Variants in COL4A3 observed in about 807,000 individuals in gnomAD.
COL4A3 encodes collagen type IV alpha 3 chain.
A neutral mutation model predicts 217.4 loss-of-function variants in COL4A3; 135 were observed. The observed-to-expected ratio is 0.62, with a 90% confidence interval of 0.54 to 0.72. COL4A3 has a LOEUF of 0.72. COL4A3 is among the 30% of genes least tolerant of loss of function. The pLI, the probability that COL4A3 is intolerant of heterozygous loss-of-function variation, is 0.00. For missense variants in COL4A3, 1,868 were observed against 2,119.9 expected (o/e 0.88, Z 2.33); for synonymous variants, 690 against 736.3 (o/e 0.94, Z 1.02).
At chr2:227,293,672 A>G in intron 38 of COL4A3, 3 of 482,994 alleles carry the variant, frequency 6.2e-6, no homozygotes, top group Non-Finnish European at 1.3e-5. Context: ...GGCTTAAACT[A>G]CACTTGATGT....
At chr2:227,201,784 A>G (rs2066696582) in intron 1 of COL4A3, among the ~76,000 whole-genome samples, 1 of 152,172 alleles carries the variant, frequency 6.6e-6, no homozygotes, top group African/African-American at 2.4e-5. Flanking sequence ...CTCCTATTGA[A>G]ATTAATTACT....
intron 9 of COL4A3, among the ~76,000 whole-genome samples, chr2:227,249,502 C>T (rs1488128447): frequency 2.6e-5 from 4 of 151,674 alleles, no homozygotes; most frequent in Non-Finnish European, 4.4e-5. Context: ...TCCCAAAGTG[C>T]TGGGATTACA....
At chr2:227,305,830 A>C in intron 47 of COL4A3, among the ~76,000 whole-genome samples, 1 of 152,174 alleles carries the variant, frequency 6.6e-6, no homozygotes, top group Non-Finnish European at 1.5e-5. Flanking sequence ...CTCTTCTGGA[A>C]ACTACCTCGA....
Position 227,286,542 on chromosome 2 carries a change from A to AT in COL4A3, c.2881+2198dup, listed in dbSNP as rs1299116978. Among the ~76,000 whole-genome samples, 19 of 152,326 alleles carry AT rather than the reference A, an allele frequency of 1.2e-4. No homozygotes were observed. In the South Asian group the frequency reaches 3.7e-3, roughly 30 times the overall value. The stretch of plus-strand genomic sequence containing the variant: ...CCTAGGAGTAGGTACTACTATTGCA[A>AT]TCATCCCATTTTACATACGGGGAAA... On this transcript the variant is annotated intron_variant, in intron 34 of 51. Coordinates refer to ENST00000396578, the MANE Select transcript of COL4A3 (RefSeq NM_000091.5).
intron 1 of COL4A3, among the ~76,000 whole-genome samples, chr2:227,203,962 C>T (rs2066997033): frequency 6.6e-6 from 1 of 151,940 alleles, no homozygotes; most frequent in Non-Finnish European, 1.5e-5. Context: ...CAGACCAGTA[C>T]CAGGGCTTAA....
chr2:227,281,990 G>A (rs941551588), intron 31 of COL4A3, among the ~76,000 whole-genome samples: 2 of 152,164 alleles, frequency 1.3e-5, no homozygotes, highest in Non-Finnish European at 2.9e-5. Flanking sequence ...TTTCTAAAGT[G>A]GCCGGGTGCA....
intron 1 of COL4A3, among the ~76,000 whole-genome samples, chr2:227,207,731 G>A (rs371340372): frequency 2.6e-4 from 40 of 152,342 alleles, no homozygotes; most frequent in African/African-American, 7.9e-4. Flanking sequence ...CTCTCCAGGT[G>A]AGACAGAGTT....
At chr2:227,295,167 G>T in intron 40 of COL4A3, 102 bp from the exon 41 acceptor site, 5 of 1,502,048 alleles carry the variant, frequency 3.3e-6, no homozygotes, top group South Asian at 2.3e-5. Flanking sequence ...TGATAGAACT[G>T]ATTATCTTTA....
intron 11 of COL4A3, among the ~76,000 whole-genome samples, chr2:227,252,088 A>AC (rs1248123072): frequency 8.5e-4 from 129 of 151,226 alleles, no homozygotes; most frequent in African/African-American, 3.1e-3. Context: ...AAAAAAAAAA[A>AC]AAACAGAAGT....
At position 227,304,025 on chromosome 2, in the gene COL4A3, G is replaced by A. The variant is rs553185617; in HGVS notation, c.4034G>A (p.Arg1345His). 2.0e-5 allele frequency: 32 copies of A among 1,614,176 alleles called. No individual in the cohort carries two copies. Among genetic ancestry groups the A allele is most frequent in the Middle Eastern group, 1.6e-4 (1 of 6,062 alleles). ...PIGPKGPPGV[R>H]GDPGTLKIIS... Reference sequence around the variant, plus strand: ...CTTATGTTTATGTCAACAGGTGTACGTGGAGACCCTGGCACACTTAAGATT... The same window carrying A: ...CTTATGTTTATGTCAACAGGTGTACATGGAGACCCTGGCACACTTAAGATT... The change falls in exon 46 of 52, where the codon CGT (arginine) becomes CAT (histidine). Residue 1345 changes from arginine to histidine, a missense_variant. Physicochemically the swap from Arg to His is conservative, Grantham distance 29. Transcript: ENST00000396578.
In COL4A3 at chr2:227,203,129, A is replaced by G. The variant is rs574461514; in HGVS notation, c.88-34839A>G. Among the ~76,000 whole-genome samples the G allele has an allele frequency of 1.0e-4, 5 of 49,462 alleles. 1 individual carries two copies. Among genetic ancestry groups the G allele is most frequent in the South Asian group, 1.4e-3 (2 of 1,458 alleles). The allele number at this position is 49,462 out of a possible 152,430, so 32.4% of individuals were successfully genotyped here. A position where few individuals can be genotyped will look rare whatever the true frequency, so the allele number is the denominator to read the frequency against. Reference sequence around the variant, plus strand: ...TATATGTGTATATATGTGTATATATACATATATGTGTATATATGTGTATAT... The same window carrying G: ...TATATGTGTATATATGTGTATATATGCATATATGTGTATATATGTGTATAT... On this transcript the variant is annotated intron_variant, in intron 1 of 51. Transcript: ENST00000396578.
At chr2:227,172,551 TTCA>T (rs1409661402) in intron 1 of COL4A3, among the ~76,000 whole-genome samples, 12 of 151,640 alleles carry the variant, frequency 7.9e-5, no homozygotes, top group African/African-American at 2.4e-4. Context: ...CCTCTTCTTC[TTCA>T]TCATCTTCTT....
intron 1 of COL4A3, among the ~76,000 whole-genome samples, chr2:227,196,674 C>T (rs1373992052): frequency 1.3e-5 from 2 of 152,106 alleles, no homozygotes; most frequent in Admixed American, 1.3e-4. Flanking sequence ...GATATACAAA[C>T]ACGATTGCGT....
intron 18 of COL4A3, among the ~76,000 whole-genome samples, chr2:227,258,751 C>T (rs2070356547): frequency 6.6e-6 from 1 of 152,204 alleles, no homozygotes; most frequent in Admixed American, 6.5e-5. Context: ...GGAGCACATT[C>T]AAACTATAGC....
chr2:227,257,935 G>A (rs2070295233), intron 18 of COL4A3, among the ~76,000 whole-genome samples: 1 of 152,214 alleles, frequency 6.6e-6, no homozygotes. Flanking sequence ...CTTCAGGGTA[G>A]AGGACAGTGA....
chr2:227,309,360 T>G (rs369354698), intron 50 of COL4A3, 42 bp downstream of exon 50: 1 of 1,445,876 alleles, frequency 6.9e-7, no homozygotes, highest in African/African-American at 1.4e-5. Context: ...AAAGACTACC[T>G]GTAGAATGTT....
In COL4A3 at chr2:227,302,023, G is replaced by A. The variant is rs535368450; in HGVS notation, c.3883-1015G>A. The A allele has an allele frequency of 2.0e-5, 3 of 152,314 alleles. No individual in the cohort carries two copies. The South Asian group carries it at 6.2e-4, about 32-fold the overall frequency. 9.4% of individuals were successfully genotyped at this position (152,314 alleles called of 1,614,324 possible). On this transcript the variant is annotated intron_variant, in intron 43 of 51. Coordinates refer to ENST00000396578, the MANE Select transcript of COL4A3 (RefSeq NM_000091.5). ...TAATAGCATTATCTCAATTCACATG[G>A]ACAGTATGAAAGTAGATTTAGCATA...
In COL4A3 at chr2:227,250,035, T is replaced by C. The variant is rs892484302; in HGVS notation, c.547-1105T>C. On this transcript the variant is annotated intron_variant, in intron 9 of 51. Coordinates refer to ENST00000396578, the MANE Select transcript of COL4A3 (RefSeq NM_000091.5). The surrounding 1 kb of genome is among the most constrained non-coding windows in gnomAD (Gnocchi z 4.1). The stretch of plus-strand genomic sequence containing the variant: ...ATCAGCCAAAATATAGATTTAAGGC[T>C]GGGCACAGTGCTCACACCTGTAATC... Among the ~76,000 whole-genome samples the C allele has an allele frequency of 2.0e-5, 3 of 152,118 alleles. No individual in the cohort carries two copies. The highest frequency in any genetic ancestry group is 4.4e-5 in the Non-Finnish European group (3 of 68,010).
Position 227,240,242 on chromosome 2 carries a change from C to T in COL4A3, c.234+10C>T. ...ACCGCAGGGACCCAAGGTATGTCAT[C>T]CTGCAAGCTTGGAAAATCCCCAACC... On this transcript the variant is annotated intron_variant, in intron 3 of 51. Coordinates refer to ENST00000396578, the MANE Select transcript of COL4A3 (RefSeq NM_000091.5). 1 of 1,603,294 alleles carries T rather than the reference C, an allele frequency of 6.2e-7. No individual in the cohort carries two copies. The highest frequency in any genetic ancestry group is 1.1e-5 in the South Asian group (1 of 88,770).
Sources: gnomAD v4.1 joint callset for allele counts (sites outside exome capture counted in the v4.1 genomes callset) on GRCh38, gnomAD v4.1.1 for gene constraint, Gnocchi (gnomAD v3.1) non-coding constraint, MANE v1.5 for transcripts, NCBI Gene and HGNC (gene_info 2026-07-23, HGNC 2026-07-21) for gene names.